MYH8: variants seen among roughly 807,000 people sequenced by gnomAD.
MYH8 encodes the protein myosin-8.
Under a neutral mutation model 233.2 loss-of-function variants are expected in MYH8, and 168 were observed. The observed-to-expected ratio is 0.72, with a 90% CI of 0.64 to 0.82. The LOEUF (loss-of-function observed/expected upper bound fraction) is 0.82. MYH8 is among the 40% of genes least tolerant of loss of function. The probability of loss-of-function intolerance (pLI) is 0.00; values close to 1 mark genes in which losing one functional copy is unlikely to be tolerated. For missense variants in MYH8, 1,995 were observed against 2,327.8 expected (o/e 0.86, Z 2.94); for synonymous variants, 785 against 850.6 (o/e 0.92, Z 1.34).
At chr17:10,399,432 T>A in intron 28 of MYH8, 111 bp downstream of exon 28, 1 of 1,578,110 alleles carries the variant, frequency 6.3e-7, no homozygotes, top group East Asian at 2.2e-5. Context: ...CTTAGCAAAC[T>A]CTGATCATTT....
chr17:10,390,363 T>C lies in MYH8; in HGVS notation c.*91A>G. 6.6e-7 allele frequency: 1 copy of C among 1,521,686 alleles called. No individual in the cohort carries two copies. The highest frequency in any genetic ancestry group is 1.1e-5 in the South Asian group (1 of 88,844). The allele number at this position is 1,521,686 out of a possible 1,614,324, so 94.3% of individuals were successfully genotyped here. A position where few individuals can be genotyped will look rare whatever the true frequency, so the allele number is the denominator to read the frequency against. ...ACTGTAGTTTTTATTTATTCAGCTT[T>C]AACAGGAAAATAAACGTCATAAAGC... On this transcript the variant is annotated 3_prime_UTR_variant, in exon 40 of 40. Coordinates refer to ENST00000403437, the MANE Select transcript of MYH8 (RefSeq NM_002472.3).
At chr17:10,391,405 C>T (rs1019599547) in intron 39 of MYH8, among the ~76,000 whole-genome samples, 1 of 152,100 alleles carries the variant, frequency 6.6e-6, no homozygotes, top group Non-Finnish European at 1.5e-5. Flanking sequence ...CTCGGCTGGG[C>T]GTGGTGGCTC....
rs780378440 is a variant in MYH8, at chr17:10,400,861, T to C, written c.3345+8A>G. 6.2e-7 allele frequency: 1 copy of C among 1,613,522 alleles called. No individual in the cohort carries two copies. Among genetic ancestry groups the C allele is most frequent in the Admixed American group, 1.7e-5 (1 of 60,034 alleles). ...GTGTGCAGAAAAAATAGAGGTGAGA[T>C]GACTCACCTGCAACTCTTTGATCTT... On this transcript the variant is annotated splice_region_variant and intron_variant, in intron 26 of 39. Transcript: ENST00000403437. This position sits in a 1 kb window ranked among gnomAD's most constrained non-coding sequence, Gnocchi z 4.0.
chr17:10,397,438 C>T (rs1278555014), intron 30 of MYH8, among the ~76,000 whole-genome samples: 1 of 152,110 alleles, frequency 6.6e-6, no homozygotes, highest in Non-Finnish European at 1.5e-5. Context: ...ATTTTCAAAA[C>T]GGTGGCAGCC....
chr17:10,402,631 G>A (rs903019720), intron 22 of MYH8, among the ~76,000 whole-genome samples: 11 of 149,834 alleles, frequency 7.3e-5, no homozygotes, highest in Admixed American at 2.0e-4. Flanking sequence ...ACATGTGCAC[G>A]CACACACACA....
At chr17:10,401,514 T>C (rs1347899429) in intron 23 of MYH8, 29 bp downstream of exon 23, 1 of 1,614,222 alleles carries the variant, frequency 6.2e-7, no homozygotes. Flanking sequence ...GCAGAACCTC[T>C]ATACAGTATT....
chr17:10,414,310 T>A lies in MYH8; in HGVS notation c.905-15A>T. 1 of 1,611,046 alleles carries A rather than the reference T, an allele frequency of 6.2e-7. No individual in the cohort carries two copies. The highest frequency in any genetic ancestry group is 8.5e-7 in the Non-Finnish European group (1 of 1,177,174). On this transcript the variant is annotated splice_polypyrimidine_tract_variant and intron_variant, in intron 10 of 39. Coordinates refer to ENST00000403437, the MANE Select transcript of MYH8 (RefSeq NM_002472.3). ...CAGGAGCATTTCTGGGTCACAGAAT[T>A]CAGGGCATACATTTTACATTAGACA...
In MYH8 at chr17:10,396,266, C is replaced by T. The variant is rs1597397552; in HGVS notation, c.4653+64G>A. 3.8e-6 allele frequency: 6 copies of T among 1,587,670 alleles called. No homozygotes were observed. Among genetic ancestry groups the T allele is most frequent in the Non-Finnish European group, 5.2e-6 (6 of 1,162,980 alleles). On this transcript the variant is annotated intron_variant, in intron 33 of 39. Transcript: ENST00000403437. This position sits in a 1 kb window ranked among gnomAD's most constrained non-coding sequence, Gnocchi z 4.2. Reference sequence around the variant, plus strand: ...CCTGTGAGTTTAAATTATCACTAGCCCCACTTTTTTTTAACTGATGTTTGT... The same window carrying T: ...CCTGTGAGTTTAAATTATCACTAGCTCCACTTTTTTTTAACTGATGTTTGT...
chr17:10,402,278 C>T (rs561002929), intron 22 of MYH8, among the ~76,000 whole-genome samples: 2 of 152,016 alleles, frequency 1.3e-5, no homozygotes, highest in African/African-American at 4.8e-5. Context: ...CCCCTCAAAC[C>T]AATAATTGCT....
intron 39 of MYH8, among the ~76,000 whole-genome samples, 192 bp downstream of exon 39, chr17:10,391,690 A>T (rs2072024972): frequency 6.6e-6 from 1 of 152,120 alleles, no homozygotes. Flanking sequence ...AAAATAAATA[A>T]ATAAATAAAT....
rs765047517 is a variant in MYH8, at chr17:10,414,459, A to G, written c.831T>C (p.Thr277=). The part of the protein sequence containing the change: ...ETYLLEKSRV[T]FQLKAERSYH... Reference sequence around the variant, plus strand: ...AGCTTCTTTCCGCCTTTAGCTGGAAAGTAACTCTGGACTTTTCTAAAAGAT... The same window carrying G: ...AGCTTCTTTCCGCCTTTAGCTGGAAGGTAACTCTGGACTTTTCTAAAAGAT... Residue 277 remains threonine (T), a synonymous_variant, in exon 10 of 40, where the codon ACT becomes ACC. Transcript: ENST00000403437. The G allele has an allele frequency of 1.2e-6, 2 of 1,612,870 alleles. No individual in the cohort carries two copies. The highest frequency in any genetic ancestry group is 1.7e-6 in the Non-Finnish European group (2 of 1,178,940).
In MYH8 at chr17:10,396,426, A is replaced by G; in HGVS notation, c.4557T>C (p.Ile1519=). The G allele has an allele frequency of 6.2e-7, 1 of 1,614,104 alleles. No individual in the cohort carries two copies. The highest frequency in any genetic ancestry group is 1.6e-4 in the Middle Eastern group (1 of 6,062). The change falls in exon 33 of 40, where the codon ATT becomes ATC. Residue 1519 remains isoleucine (I), a synonymous_variant. Coordinates refer to ENST00000403437, the MANE Select transcript of MYH8 (RefSeq NM_002472.3). This position sits in a 1 kb window ranked among gnomAD's most constrained non-coding sequence, Gnocchi z 4.2. Reference sequence around the variant, plus strand: ...CATGAATTTGCTTTCCTCCCTCTGCAATCTGCTCAGTGAGGTCAGAAATCT... The same window carrying G: ...CATGAATTTGCTTTCCTCCCTCTGCGATCTGCTCAGTGAGGTCAGAAATCT... ...QQEISDLTEQ[I]AEGGKQIHEL...
Position 10,396,949 on chromosome 17 carries a change from G to A in MYH8, c.4216C>T (p.His1406Tyr). 1 of 1,614,202 alleles carries A rather than the reference G, an allele frequency of 6.2e-7. No individual in the cohort carries two copies. The highest frequency in any genetic ancestry group is 1.1e-5 in the South Asian group (1 of 91,080). ...LAQRLQEAEEHVEAVNAKCAS... is the reference protein window; with the variant it reads ...LAQRLQEAEEYVEAVNAKCAS... ...CATTTGGCGTTCACAGCTTCTACATGTTCCTCAGCTTCTTGCAGGCGCTGG... is the reference window on the plus strand; with the variant it reads ...CATTTGGCGTTCACAGCTTCTACATATTCCTCAGCTTCTTGCAGGCGCTGG... The change falls in exon 31 of 40, where the codon CAT becomes TAT. Residue 1406 changes from histidine to tyrosine, a missense_variant. His to Tyr is a moderately conservative substitution (Grantham distance 83). This residue lies in a region of MYH8 where 1,498 missense variants were observed against 1,680.9 expected (regional missense o/e 0.89). Transcript: ENST00000403437. The surrounding 1 kb of genome is among the most constrained non-coding windows in gnomAD (Gnocchi z 4.2).
Position 10,417,613 on chromosome 17 carries a change from G to A in MYH8, c.511+1032C>T, listed in dbSNP as rs954934108. Among the ~76,000 whole-genome samples the A allele has an allele frequency of 1.6e-4, 24 of 152,074 alleles. No individual in the cohort carries two copies. Among genetic ancestry groups the A allele is most frequent in the African/African-American group, 5.3e-4 (22 of 41,426 alleles). On this transcript the variant is annotated intron_variant, in intron 5 of 39. Coordinates refer to ENST00000403437, the MANE Select transcript of MYH8 (RefSeq NM_002472.3). This position sits in a 1 kb window ranked among gnomAD's most constrained non-coding sequence, Gnocchi z 4.1. ...GGAGCAGCCCCAAACCCTGGGGAGC[G>A]GGGGGCTTGCTGAGTGGGAGGACAG...
intron 22 of MYH8, among the ~76,000 whole-genome samples, chr17:10,403,902 G>A (rs895304167): frequency 2.0e-5 from 3 of 152,128 alleles, no homozygotes; most frequent in Non-Finnish European, 2.9e-5. Flanking sequence ...AATACAGATA[G>A]ATTTATTGAG....
rs1032511571 is a variant in MYH8 at position 10,421,304 on chromosome 17, T to C, written c.-31+359A>G. 5.9e-5 allele frequency among the ~76,000 whole-genome samples: 9 copies of C among 152,316 alleles called. No homozygotes were observed. The South Asian group carries it at 1.7e-3, about 28-fold the overall frequency. ...TATTTATATTTCTAGGTAAAAATCTTTCTGGAGTCTTTAAAAATGTCTATA... is the reference window on the plus strand; with the variant it reads ...TATTTATATTTCTAGGTAAAAATCTCTCTGGAGTCTTTAAAAATGTCTATA... On this transcript the variant is annotated intron_variant, in intron 2 of 39. Coordinates refer to ENST00000403437, the MANE Select transcript of MYH8 (RefSeq NM_002472.3).
At position 10,415,058 on chromosome 17, in the gene MYH8, C is replaced by A. The variant is rs893746779; in HGVS notation, c.805+58G>T. ...ATGCACAGCAAGGGTGGCAAAATAT[C>A]CCTGCAAATGAAATCACTTGTCTCT... On this transcript the variant is annotated intron_variant, in intron 9 of 39. Transcript: ENST00000403437. The surrounding 1 kb of genome is among the most constrained non-coding windows in gnomAD (Gnocchi z 4.1). The A allele has an allele frequency of 1.3e-6, 2 of 1,529,438 alleles. No homozygotes were observed. 94.7% of individuals were successfully genotyped at this position (1,529,438 alleles called of 1,614,324 possible).
At position 10,396,392 on chromosome 17, in the gene MYH8, T is replaced by A. The variant is rs773740111; in HGVS notation, c.4591A>T (p.Lys1531Ter). 2.5e-6 allele frequency: 4 copies of A among 1,614,104 alleles called. No homozygotes were observed. In the South Asian group the frequency reaches 4.4e-5, roughly 18 times the overall value. Residue 1531 changes from lysine (K) to a stop codon, truncating the protein, a stop_gained, in exon 33 of 40, where the codon AAA becomes TAA. Coordinates refer to ENST00000403437, the MANE Select transcript of MYH8 (RefSeq NM_002472.3). LOFTEE classifies it high-confidence loss of function. This position sits in a 1 kb window ranked among gnomAD's most constrained non-coding sequence, Gnocchi z 4.2. ...TCTTGTTCTACTTGCTTCTTTATTT[T>A]CTCCAATTCATGAATTTGCTTTCCT... ...EGGKQIHELE[K>*]IKKQVEQEKC...
chr17:10,398,373 G>T (rs2072098217), intron 30 of MYH8, 71 bp downstream of exon 30: 3 of 1,608,332 alleles, frequency 1.9e-6, no homozygotes, highest in Admixed American at 3.3e-5. Flanking sequence ...TTTTGCTATT[G>T]TTATGTTATC....
Sources: gnomAD v4.1 joint callset for allele counts (sites outside exome capture counted in the v4.1 genomes callset) on GRCh38, gnomAD v4.1.1 for gene constraint, gnomAD v4.1.1 regional missense constraint, Gnocchi (gnomAD v3.1) non-coding constraint, MANE v1.5 for transcripts, NCBI Gene and HGNC (gene_info 2026-07-23, HGNC 2026-07-21) for gene names.